GPBP1: variants seen among roughly 807,000 people sequenced by gnomAD.
The protein encoded by GPBP1 is GC-rich promoter binding protein 1.
A neutral mutation model predicts 56.5 loss-of-function variants in GPBP1; 13 were observed. The observed-to-expected ratio is 0.23, with a 90% confidence interval of 0.15 to 0.37. The LOEUF is 0.37. GPBP1 is among the 10% of genes least tolerant of loss of function. The pLI is 1.00. For missense variants in GPBP1, 477 were observed against 572.3 expected (o/e 0.83, Z 1.70); for synonymous variants, 204 against 188.9 (o/e 1.08, Z -0.66).
intron 6 of GPBP1, among the ~76,000 whole-genome samples, chr5:57,244,827 AG>A (rs1299339392): frequency 1.5e-5 from 2 of 136,342 alleles, no homozygotes; most frequent in Non-Finnish European, 3.0e-5. Context: ...TCTGCCTCCC[AG>A]GTTCAAGTGA....
At chr5:57,177,199 A>G (rs1753821922) in intron 2 of GPBP1, among the ~76,000 whole-genome samples, 1 of 152,118 alleles carries the variant, frequency 6.6e-6, no homozygotes, top group Non-Finnish European at 1.5e-5. Flanking sequence ...TTGTGAATTA[A>G]TTGCTATAAT....
rs565515488 is a variant in GPBP1 at position 57,186,267 on chromosome 5, C to T, written c.-58+9867C>T. Among the ~76,000 whole-genome samples, 5 of 152,050 alleles carry T rather than the reference C, an allele frequency of 3.3e-5. No individual in the cohort carries two copies. The South Asian group carries it at 8.3e-4, about 25-fold the overall frequency. ...TAAATTAAGTGGGCATGGTGGCATACCTCAGCTACTTGAGAGACCAAGGTG... is the reference window on the plus strand; with the variant it reads ...TAAATTAAGTGGGCATGGTGGCATATCTCAGCTACTTGAGAGACCAAGGTG... On this transcript the variant is annotated intron_variant, in intron 2 of 11. Transcript: ENST00000506184.
At chr5:57,226,622 C>T (rs1024156676) in intron 3 of GPBP1, among the ~76,000 whole-genome samples, 13 of 136,412 alleles carry the variant, frequency 9.5e-5, no homozygotes, top group Non-Finnish European at 1.2e-4. Flanking sequence ...TGCAGTGGCG[C>T]GATCTCAGCT....
Position 57,175,816 on chromosome 5 carries a change from G to GT in GPBP1, c.-641dup, listed in dbSNP as rs1461792178. ...AGTTTCAGCAGTTTCAAATGACTGA[G>GT]TATTGCTGAAGTTTCATGGCAGTTT... is the stretch of plus-strand genomic sequence containing the variant. On this transcript the variant is annotated 5_prime_UTR_variant, in exon 2 of 12. An upstream open reading frame in the 5' UTR loses its in-frame stop. Transcript: ENST00000506184. The GT allele has an allele frequency of 2.3e-5, 9 of 396,996 alleles. No individual in the cohort carries two copies. Among genetic ancestry groups the GT allele is most frequent in the Non-Finnish European group, 2.7e-5 (6 of 225,676 alleles). The allele number at this position is 396,996 out of a possible 1,614,324, so 24.6% of individuals were successfully genotyped here. A position where few individuals can be genotyped will look rare whatever the true frequency, so the allele number is the denominator to read the frequency against.
At chr5:57,185,475 G>A (rs768782875) in intron 2 of GPBP1, among the ~76,000 whole-genome samples, 3 of 151,976 alleles carry the variant, frequency 2.0e-5, no homozygotes, top group Non-Finnish European at 2.9e-5. Flanking sequence ...CATCATATTG[G>A]TCAGGTTGGT....
At chr5:57,190,805 C>T (rs111738605) in intron 2 of GPBP1, among the ~76,000 whole-genome samples, 221 of 145,238 alleles carry the variant, frequency 1.5e-3, no homozygotes, top group African/African-American at 5.1e-3. Context: ...CTCCTGGGCT[C>T]AAGCAATCTT....
At chr5:57,255,683 TCTGATTTCCCTTCAGTA>T (rs1741626343) in intron 10 of GPBP1, among the ~76,000 whole-genome samples, 1 of 152,254 alleles carries the variant, frequency 6.6e-6, no homozygotes, top group Non-Finnish European at 1.5e-5. Context: ...TATCTTGTCT[TCTGATTTCCCTTCAGTA>T]CTTAGTAGCA....
At chr5:57,251,177 C>G (rs767593553) in intron 10 of GPBP1, 36 bp downstream of exon 10, 26 of 1,506,572 alleles carry the variant, frequency 1.7e-5, no homozygotes, top group Admixed American at 1.1e-4. Flanking sequence ...TCAGCATTTT[C>G]TGTATTCGAG....
At chr5:57,261,648 TTTTTG>T (rs1392850033) in intron 11 of GPBP1, among the ~76,000 whole-genome samples, 1 of 152,170 alleles carries the variant, frequency 6.6e-6, no homozygotes, top group African/African-American at 2.4e-5. Context: ...TTCCAGACCT[TTTTTG>T]TTTTGTTTTT....
At chr5:57,245,126 GTGTGCCAGAAGT>G (rs564966793) in intron 6 of GPBP1, among the ~76,000 whole-genome samples, 1 of 152,136 alleles carries the variant, frequency 6.6e-6, no homozygotes, top group Non-Finnish European at 1.5e-5. Context: ...GTGTGTTTTT[GTGTGCCAGAAGT>G]TGTCTTTTTT....
At chr5:57,251,576 T>C (rs1741391729) in intron 10 of GPBP1, among the ~76,000 whole-genome samples, 2 of 126,166 alleles carry the variant, frequency 1.6e-5, no homozygotes, top group Admixed American at 8.8e-5. Context: ...TTTCCACCTC[T>C]TTTTTTTTTT....
intron 3 of GPBP1, among the ~76,000 whole-genome samples, chr5:57,214,440 C>T (rs1385651603): frequency 3.9e-5 from 6 of 151,986 alleles, no homozygotes; most frequent in African/African-American, 1.2e-4. Context: ...ACAAAATTAG[C>T]CAGGCGTGGT....
intron 3 of GPBP1, among the ~76,000 whole-genome samples, chr5:57,225,318 C>A (rs576673569): frequency 1.3e-5 from 2 of 151,634 alleles, no homozygotes; most frequent in Non-Finnish European, 2.9e-5. Flanking sequence ...CATGGTGAAA[C>A]CCCGTCTCTA....
At chr5:57,207,779 C>T (rs1346276607) in intron 2 of GPBP1, among the ~76,000 whole-genome samples, 1 of 152,116 alleles carries the variant, frequency 6.6e-6, no homozygotes, top group East Asian at 1.9e-4. Context: ...GCTCAGTGAC[C>T]TGGGCTCTCC....
intron 2 of GPBP1, among the ~76,000 whole-genome samples, chr5:57,206,241 TTTTTG>T (rs1185690903): frequency 3.9e-5 from 6 of 152,076 alleles, no homozygotes; most frequent in African/African-American, 1.4e-4. Flanking sequence ...TGAAGTTCAG[TTTTTG>T]TTTTCTTTTT....
chr5:57,241,251 T>TCA (rs1261846040), intron 6 of GPBP1, among the ~76,000 whole-genome samples: 1 of 152,188 alleles, frequency 6.6e-6, no homozygotes, highest in African/African-American at 2.4e-5. Flanking sequence ...AACTCTGAAT[T>TCA]ATCTGTGTGG....
intron 2 of GPBP1, among the ~76,000 whole-genome samples, chr5:57,213,164 C>G (rs1413191183): frequency 6.6e-6 from 1 of 151,906 alleles, no homozygotes; most frequent in African/African-American, 2.4e-5. Flanking sequence ...AGTGATTTTC[C>G]CGCCTCAGCC....
At chr5:57,255,278 C>T (rs1476466959) in intron 10 of GPBP1, among the ~76,000 whole-genome samples, 1 of 151,942 alleles carries the variant, frequency 6.6e-6, no homozygotes, top group Non-Finnish European at 1.5e-5. Context: ...CCTCTTATTC[C>T]AAATAATGCT....
chr5:57,262,533 T>G lies in GPBP1; in HGVS notation c.1264-61T>G, dbSNP rs1580093441. On this transcript the variant is annotated intron_variant, in intron 11 of 11. Coordinates refer to ENST00000506184, the MANE Select transcript of GPBP1 (RefSeq NM_022913.4). ...AATTTTATTATATTCATGCTTATAT[T>G]ATTACAGTAGGTTTGTAACTCTTGA... 4.8e-6 allele frequency: 6 copies of G among 1,244,290 alleles called. No individual in the cohort carries two copies. In the East Asian group the frequency reaches 1.2e-4, roughly 24 times the overall value. 77.1% of individuals were successfully genotyped at this position (1,244,290 alleles called of 1,614,324 possible). A position where few individuals can be genotyped will look rare whatever the true frequency, so the allele number is the denominator to read the frequency against.
Sources: allele counts gnomAD v4.1 joint callset (sites outside exome capture counted in the v4.1 genomes callset), GRCh38; gene constraint gnomAD v4.1.1; transcripts MANE v1.5; gene names NCBI Gene and HGNC (gene_info 2026-07-23, HGNC 2026-07-21).